FBH1: variants seen among roughly 807,000 people sequenced by gnomAD.
FBH1 encodes DNA 3'-5' helicase 1.
Under a neutral mutation model 115.5 loss-of-function variants are expected in FBH1, and 43 were observed. The ratio of observed to expected loss-of-function variants is 0.37; its 90% CI spans 0.29 to 0.48. The LOEUF (loss-of-function observed/expected upper bound fraction) is 0.48. FBH1 is among the 20% of genes least tolerant of loss of function. The probability of loss-of-function intolerance (pLI) is 0.99; values close to 1 mark genes in which losing one functional copy is unlikely to be tolerated. For synonymous variants in FBH1, 524 were observed against 507.8 expected, an observed-to-expected ratio of 1.03 and a Z score of -0.43; for missense variants, 1,001 against 1,337.3, an observed-to-expected ratio of 0.75 and a Z score of 3.92.
chr10:5,898,565 C>T (rs1451345702), intron 1 of FBH1, among the ~76,000 whole-genome samples: 1 of 152,128 alleles, frequency 6.6e-6, no homozygotes, highest in African/African-American at 2.4e-5. Context: ...TGCCCGCCAC[C>T]ACACCTGGCT....
rs982543285 is a variant in FBH1 at position 5,906,668 on chromosome 10, A to G, written c.753+36A>G. On this transcript the variant is annotated intron_variant, in intron 3 of 20. Coordinates refer to ENST00000362091, the MANE Select transcript of FBH1 (RefSeq NM_178150.3). The surrounding 1 kb of genome is among the most constrained non-coding windows in gnomAD (Gnocchi z 7.3). ...GCTGGAGTCGGGAGATGTTTCCTCTAAAAGCACGTAACTTTGCTTAATGCA... is the reference window on the plus strand; with the variant it reads ...GCTGGAGTCGGGAGATGTTTCCTCTGAAAGCACGTAACTTTGCTTAATGCA... The G allele has an allele frequency of 2.6e-6, 4 of 1,524,676 alleles. No homozygotes were observed. The highest frequency in any genetic ancestry group is 3.6e-6 in the Non-Finnish European group (4 of 1,123,268). The allele number at this position is 1,524,676 out of a possible 1,614,324, so 94.4% of individuals were successfully genotyped here.
In FBH1 at chr10:5,917,559, G is replaced by A. The variant is rs375742307; in HGVS notation, c.1877-31G>A. 29 of 1,613,522 alleles carry A rather than the reference G, an allele frequency of 1.8e-5. No homozygotes were observed. The highest frequency in any genetic ancestry group is 6.7e-5 in the Admixed American group (4 of 59,998). ...TGGCCAATGGGACTGCCTTCCTGGC[G>A]TTACAACTCCTGCGTCTCTCCTTAT... is the stretch of plus-strand genomic sequence containing the variant. On this transcript the variant is annotated intron_variant, in intron 11 of 20. Transcript: ENST00000362091. The surrounding 1 kb of genome is among the most constrained non-coding windows in gnomAD (Gnocchi z 5.6).
rs1843489497 is a variant in FBH1, at chr10:5,903,431, A to G, written c.157+256A>G. 6.6e-6 allele frequency among the ~76,000 whole-genome samples: 1 copy of G among 151,656 alleles called. No homozygotes were observed. Among genetic ancestry groups the G allele is most frequent in the African/African-American group, 2.4e-5 (1 of 41,204 alleles). On this transcript the variant is annotated intron_variant, in intron 2 of 20. Transcript: ENST00000362091. The stretch of plus-strand genomic sequence containing the variant: ...CTGCAACCTCTGCCTTTTGGGTTCA[A>G]GTGATTCTCCTGCCTCCGCCTCCTG...
At position 5,906,737 on chromosome 10, in the gene FBH1, C is replaced by A; in HGVS notation, c.753+105C>A. The stretch of plus-strand genomic sequence containing the variant: ...CTTTTCAGAAATGGTTTCCATTTGC[C>A]TTCAGAAGACATTCAGACTCCTTAG... On this transcript the variant is annotated intron_variant, in intron 3 of 20. Transcript: ENST00000362091. This position sits in a 1 kb window ranked among gnomAD's most constrained non-coding sequence, Gnocchi z 7.3. 1.0e-6 allele frequency: 1 copy of A among 960,686 alleles called. No individual in the cohort carries two copies. Among genetic ancestry groups the A allele is most frequent in the Non-Finnish European group, 1.5e-6 (1 of 650,636 alleles). The allele number at this position is 960,686 out of a possible 1,614,324, so 59.5% of individuals were successfully genotyped here. A position where few individuals can be genotyped will look rare whatever the true frequency, so the allele number is the denominator to read the frequency against.
rs1041000331 is a variant in FBH1 at position 5,931,251 on chromosome 10, A to C, written c.2829+3710A>C. The stretch of plus-strand genomic sequence containing the variant: ...GTAACTGCCATCTCAGCAGATACGC[A>C]TTACCTTGCTTTGTTGCACAACGGC... On this transcript the variant is annotated intron_variant, in intron 19 of 20. Transcript: ENST00000362091. The surrounding 1 kb of genome is among the most constrained non-coding windows in gnomAD (Gnocchi z 4.3). Among the ~76,000 whole-genome samples, 3 of 152,190 alleles carry C rather than the reference A, an allele frequency of 2.0e-5. No individual in the cohort carries two copies. The highest frequency in any genetic ancestry group is 7.2e-5 in the African/African-American group (3 of 41,448).
chr10:5,895,588 A>G lies in FBH1; in HGVS notation c.1+5242A>G, dbSNP rs1842959538. 6.6e-6 allele frequency among the ~76,000 whole-genome samples: 1 copy of G among 152,148 alleles called. No individual in the cohort carries two copies. Among genetic ancestry groups the G allele is most frequent in the South Asian group, 2.1e-4 (1 of 4,822 alleles). On this transcript the variant is annotated intron_variant, in intron 1 of 20. Coordinates refer to ENST00000362091, the MANE Select transcript of FBH1 (RefSeq NM_178150.3). This position sits in a 1 kb window ranked among gnomAD's most constrained non-coding sequence, Gnocchi z 5.0. ...GATCCAGACATGTAATGGCCTCACA[A>G]TAGACGTTTATTTTTCAATCCCATA...
At chr10:5,896,844 G>A (rs1843038236) in intron 1 of FBH1, among the ~76,000 whole-genome samples, 1 of 152,140 alleles carries the variant, frequency 6.6e-6, no homozygotes, top group Admixed American at 6.5e-5. Context: ...GAGGTGTAAA[G>A]TGCACTTGCT....
In FBH1 at chr10:5,921,585, T is replaced by C. The variant is rs1832318122; in HGVS notation, c.2322+16T>C. 6.3e-7 allele frequency: 1 copy of C among 1,588,822 alleles called. No homozygotes were observed. The highest frequency in any genetic ancestry group is 8.5e-7 in the Non-Finnish European group (1 of 1,174,072). On this transcript the variant is annotated intron_variant, in intron 15 of 20. Coordinates refer to ENST00000362091, the MANE Select transcript of FBH1 (RefSeq NM_178150.3). The surrounding 1 kb of genome is among the most constrained non-coding windows in gnomAD (Gnocchi z 6.4). Reference sequence around the variant, plus strand: ...TTTGATTGGGGTAAGAGTACATTTCTGTTGACCACTTCATGCACAGAAACG... The same window carrying C: ...TTTGATTGGGGTAAGAGTACATTTCCGTTGACCACTTCATGCACAGAAACG...
At chr10:5,907,594 C>T (rs1454478934) in intron 3 of FBH1, among the ~76,000 whole-genome samples, 1 of 151,642 alleles carries the variant, frequency 6.6e-6, no homozygotes, top group Non-Finnish European at 1.5e-5. Flanking sequence ...GTGCCTTAGC[C>T]TCCCAAGTAG....
Position 5,915,193 on chromosome 10 carries a change from AGCCTGCCCCAGCTGAG to A in FBH1, c.1397-209_1397-194del, listed in dbSNP as rs1168116602. ...CACCTGTCCTTTGCCCCTCGGCTGGAGCCTGCCCCAGCTGAGATCCCAGCCCACCTTCACCTGGCTT... is the reference window on the plus strand; with the variant it reads ...CACCTGTCCTTTGCCCCTCGGCTGGAATCCCAGCCCACCTTCACCTGGCTT... On this transcript the variant is annotated intron_variant, in intron 8 of 20. Coordinates refer to ENST00000362091, the MANE Select transcript of FBH1 (RefSeq NM_178150.3). The surrounding 1 kb of genome is among the most constrained non-coding windows in gnomAD (Gnocchi z 5.2). Among the ~76,000 whole-genome samples, 1 of 152,162 alleles carries A rather than the reference AGCCTGCCCCAGCTGAG, an allele frequency of 6.6e-6. No individual in the cohort carries two copies. The highest frequency in any genetic ancestry group is 1.5e-5 in the Non-Finnish European group (1 of 68,014).
At position 5,895,308 on chromosome 10, in the gene FBH1, A is replaced by G; in HGVS notation, c.1+4962A>G. On this transcript the variant is annotated intron_variant, in intron 1 of 20. Coordinates refer to ENST00000362091, the MANE Select transcript of FBH1 (RefSeq NM_178150.3). This position sits in a 1 kb window ranked among gnomAD's most constrained non-coding sequence, Gnocchi z 5.0. ...GGTATGGTATTGTAGCAGTTTCTCC[A>G]GTCAGGTACCTTGTACTAGCGAGTC... The G allele has an allele frequency of 3.8e-6, 4 of 1,062,530 alleles. No homozygotes were observed. Among genetic ancestry groups the G allele is most frequent in the Non-Finnish European group, 5.2e-6 (4 of 775,762 alleles). 65.8% of individuals were successfully genotyped at this position (1,062,530 alleles called of 1,614,324 possible). A position where few individuals can be genotyped will look rare whatever the true frequency, so the allele number is the denominator to read the frequency against.
rs1015117219 is a variant in FBH1, at chr10:5,932,044, G to A, written c.2830-4412G>A. On this transcript the variant is annotated intron_variant, in intron 19 of 20. Coordinates refer to ENST00000362091, the MANE Select transcript of FBH1 (RefSeq NM_178150.3). The surrounding 1 kb of genome is among the most constrained non-coding windows in gnomAD (Gnocchi z 5.9). ...TACCTGTAGCCCCAGCTACTTAGGA[G>A]GCTGAGGTGGGAGAATCGCGTGAAC... is the stretch of plus-strand genomic sequence containing the variant. Among the ~76,000 whole-genome samples, 48 of 152,278 alleles carry A rather than the reference G, an allele frequency of 3.2e-4. No homozygotes were observed. The highest frequency in any genetic ancestry group is 1.1e-3 in the African/African-American group (45 of 41,510).
At chr10:5,899,849 A>G (rs934506418) in intron 1 of FBH1, among the ~76,000 whole-genome samples, 1 of 152,238 alleles carries the variant, frequency 6.6e-6, no homozygotes. Flanking sequence ...AAAAGAGAAC[A>G]ACAAGACTTT....
intron 1 of FBH1, among the ~76,000 whole-genome samples, chr10:5,891,610 AAT>A (rs1029952968): frequency 6.6e-6 from 1 of 151,524 alleles, no homozygotes; most frequent in Non-Finnish European, 1.5e-5. Flanking sequence ...AGTAGGTTGG[AAT>A]ATATATATAT....
chr10:5,915,680 T>A lies in FBH1; in HGVS notation c.1565+109T>A, dbSNP rs1355404789. On this transcript the variant is annotated intron_variant, in intron 9 of 20. Transcript: ENST00000362091. The surrounding 1 kb of genome is among the most constrained non-coding windows in gnomAD (Gnocchi z 5.2). ...TACACCACAGTGACCCCGAGGAGTG[T>A]AGTGCTGTTATCTCCACTTACAGGC... 1 of 963,320 alleles carries A rather than the reference T, an allele frequency of 1.0e-6. No homozygotes were observed. The highest frequency in any genetic ancestry group is 1.6e-6 in the Non-Finnish European group (1 of 641,860). The allele number at this position is 963,320 out of a possible 1,614,324, so 59.7% of individuals were successfully genotyped here. A position where few individuals can be genotyped will look rare whatever the true frequency, so the allele number is the denominator to read the frequency against.
chr10:5,890,946 T>C (rs2131804924), intron 1 of FBH1: 1 of 154,458 alleles, frequency 6.5e-6, no homozygotes, highest in South Asian at 2.1e-4. Flanking sequence ...TTCGATTCCT[T>C]TAGGGAGTAG....
chr10:5,918,246 C>T lies in FBH1; in HGVS notation c.1964-96C>T, dbSNP rs2387092. The T allele has an allele frequency of 0.3, 455,781 of 1,494,740 alleles. 74,058 individuals are homozygous for T. Among genetic ancestry groups the T allele is most frequent in the Middle Eastern group, 0.35 (2,007 of 5,706 alleles). The allele number at this position is 1,494,740 out of a possible 1,614,324, so 92.6% of individuals were successfully genotyped here. A position where few individuals can be genotyped will look rare whatever the true frequency, so the allele number is the denominator to read the frequency against. On this transcript the variant is annotated intron_variant, in intron 12 of 20. Transcript: ENST00000362091. The surrounding 1 kb of genome is among the most constrained non-coding windows in gnomAD (Gnocchi z 4.0). ...AAGGCGACCGTGAGGTCCAGTGTGC[C>T]CTGGCTTAGCTTCGTGGAAGTGTTT...
rs1000464899 is a variant in FBH1 at position 5,897,679 on chromosome 10, A to G, written c.2-5341A>G. On this transcript the variant is annotated intron_variant, in intron 1 of 20. Coordinates refer to ENST00000362091, the MANE Select transcript of FBH1 (RefSeq NM_178150.3). This position sits in a 1 kb window ranked among gnomAD's most constrained non-coding sequence, Gnocchi z 4.7. Reference sequence around the variant, plus strand: ...GCACAGAGGCCAGATCACCAGTCTAAGCGCCCCTCCCCCGGTACCGAACCT... The same window carrying G: ...GCACAGAGGCCAGATCACCAGTCTAGGCGCCCCTCCCCCGGTACCGAACCT... 6.6e-6 allele frequency among the ~76,000 whole-genome samples: 1 copy of G among 152,170 alleles called. No individual in the cohort carries two copies. The highest frequency in any genetic ancestry group is 6.5e-5 in the Admixed American group (1 of 15,278).
chr10:5,919,434 C>T (rs976642105), intron 13 of FBH1, among the ~76,000 whole-genome samples: 9 of 151,994 alleles, frequency 5.9e-5, no homozygotes, highest in Admixed American at 1.3e-4. Context: ...TGCAGTGAGC[C>T]GAGGTCGCAC....
Sources: allele counts gnomAD v4.1 joint callset (sites outside exome capture counted in the v4.1 genomes callset), GRCh38; gene constraint gnomAD v4.1.1; non-coding constraint Gnocchi (gnomAD v3.1); transcripts MANE v1.5; gene names NCBI Gene and HGNC (gene_info 2026-07-23, HGNC 2026-07-21).